The following PHACTR3 variants were observed in gnomAD, a reference collection of about 807,000 sequenced individuals.
PHACTR3 encodes the protein protein phosphatase 1, regulatory subunit 123.
In PHACTR3, 16 loss-of-function variants were observed where a neutral mutation model predicts 66.8. That is an observed-to-expected ratio of 0.24 (90% CI 0.16 to 0.36). The LOEUF is 0.36. Among genes scored for constraint, PHACTR3 ranks in the 10% least tolerant of loss-of-function variants. The probability of loss-of-function intolerance (pLI) is 1.00; values close to 1 mark genes in which losing one functional copy is unlikely to be tolerated. For missense variants in PHACTR3, 647 were observed against 719.9 expected (o/e 0.90, Z 1.16); for synonymous variants, 323 against 292.1 (o/e 1.11, Z -1.08).
In PHACTR3 at chr20:59,743,414, T is replaced by C. The variant is rs1601242154; in HGVS notation, c.280+146T>C. 3 of 1,172,406 alleles carry C rather than the reference T, an allele frequency of 2.6e-6. No homozygotes were observed. The East Asian group carries it at 7.7e-5, about 30-fold the overall frequency. 72.6% of individuals were successfully genotyped at this position (1,172,406 alleles called of 1,614,324 possible). Reference sequence around the variant, plus strand: ...CATGGCCTGTGATGGCCAGGAGCCATGCAAGTTACCCCGCTGGCCCCTCCA... The same window carrying C: ...CATGGCCTGTGATGGCCAGGAGCCACGCAAGTTACCCCGCTGGCCCCTCCA... On this transcript the variant is annotated intron_variant, in intron 2 of 12. Transcript: ENST00000371015.
At chr20:59,705,960 T>C (rs2037686127) in intron 1 of PHACTR3, among the ~76,000 whole-genome samples, 1 of 152,176 alleles carries the variant, frequency 6.6e-6, no homozygotes, top group Non-Finnish European at 1.5e-5. Context: ...GGGGGTGTGG[T>C]TGACTCAGAG....
upstream of PHACTR3, among the ~76,000 whole-genome samples, chr20:59,602,080 G>A (rs543814841): frequency 2.0e-5 from 3 of 152,280 alleles, no homozygotes; most frequent in African/African-American, 7.2e-5. Flanking sequence ...TGTCCTTATG[G>A]TAACATTAAG....
chr20:59,694,773 A>G (rs1293602607), intron 1 of PHACTR3, among the ~76,000 whole-genome samples: 1 of 152,104 alleles, frequency 6.6e-6, no homozygotes, highest in Non-Finnish European at 1.5e-5. Flanking sequence ...GTTTCAGCTG[A>G]TGAAGGCACT....
Position 59,841,475 on chromosome 20 carries a change from A to C in PHACTR3, c.1527A>C (p.Lys509Asn). The change falls in exon 11 of 13, where the codon AAA becomes AAC. Residue 509 changes from lysine to asparagine, a missense_variant. By Grantham distance (94) the Lys-to-Asn change is moderately conservative (BLOSUM62 0). Coordinates refer to ENST00000371015, the MANE Select transcript of PHACTR3 (RefSeq NM_080672.5). ...IRFSDYVEVA[K>N]AQDYDRRADK... is the part of the protein sequence containing the mutation. The stretch of plus-strand genomic sequence containing the variant: ...TCAGTGATTACGTGGAAGTAGCAAA[A>C]GCGCAGGACTATGACAGGAGGGCAG... 4 of 1,613,754 alleles carry C rather than the reference A, an allele frequency of 2.5e-6. No individual in the cohort carries two copies. Among genetic ancestry groups the C allele is most frequent in the Non-Finnish European group, 3.4e-6 (4 of 1,179,764 alleles).
intron 2 of PHACTR3, among the ~76,000 whole-genome samples, chr20:59,747,204 G>A (rs1343360425): frequency 6.6e-6 from 1 of 152,226 alleles, no homozygotes; most frequent in Non-Finnish European, 1.5e-5. Context: ...GAAGGGGACT[G>A]GGGGCTGGCC....
At chr20:59,727,145 T>G (rs916066584) in intron 1 of PHACTR3, among the ~76,000 whole-genome samples, 1 of 152,126 alleles carries the variant, frequency 6.6e-6, no homozygotes, top group Non-Finnish European at 1.5e-5. Flanking sequence ...TGAATTGGTC[T>G]GTGCTGAACA....
intron 7 of PHACTR3, among the ~76,000 whole-genome samples, chr20:59,805,540 G>C (rs1006263798): frequency 3.3e-5 from 5 of 152,172 alleles, no homozygotes; most frequent in African/African-American, 1.2e-4. Context: ...TGGCAAGGCT[G>C]TGCGGTAGGC....
chr20:59,665,389 G>T (rs1448054846), intron 1 of PHACTR3, among the ~76,000 whole-genome samples: 2 of 152,200 alleles, frequency 1.3e-5, no homozygotes, highest in African/African-American at 4.8e-5. Context: ...AAAGGTGTTT[G>T]ATTTCACTGC....
At chr20:59,633,921 G>C (rs1401904001) in intron 1 of PHACTR3, among the ~76,000 whole-genome samples, 1 of 152,108 alleles carries the variant, frequency 6.6e-6, no homozygotes, top group Non-Finnish European at 1.5e-5. Flanking sequence ...TTAACTAATA[G>C]GTTCCTAACT....
chr20:59,806,398 T>G (rs1270739997), intron 8 of PHACTR3, among the ~76,000 whole-genome samples: 1 of 152,218 alleles, frequency 6.6e-6, no homozygotes, highest in African/African-American at 2.4e-5. Flanking sequence ...CTCAGATGTT[T>G]AGCGGCATTC....
chr20:59,659,403 T>C (rs1353527882), intron 1 of PHACTR3, among the ~76,000 whole-genome samples: 1 of 142,006 alleles, frequency 7.0e-6, no homozygotes, highest in Non-Finnish European at 1.5e-5. Flanking sequence ...TGAGACAGTC[T>C]CGCTCTGTCA....
At chr20:59,590,267 C>T (rs532409422) in intron 1 of PHACTR3, among the ~76,000 whole-genome samples, 16 of 152,280 alleles carry the variant, frequency 1.1e-4, no homozygotes, top group Admixed American at 2.6e-4. Flanking sequence ...GTGGATATAC[C>T]GTAGGGCAGC....
intron 7 of PHACTR3, among the ~76,000 whole-genome samples, chr20:59,781,746 G>T (rs557432527): frequency 6.6e-6 from 1 of 152,270 alleles, no homozygotes; most frequent in South Asian, 2.1e-4. Context: ...GAGTGACTAT[G>T]TACATATTAA....
At chr20:59,621,553 C>T (rs1458913120) in intron 1 of PHACTR3, among the ~76,000 whole-genome samples, 1 of 152,254 alleles carries the variant, frequency 6.6e-6, no homozygotes, top group African/African-American at 2.4e-5. Context: ...TGCCTCCTTC[C>T]TGTCTTTCTT....
chr20:59,652,902 G>T (rs2035501525), intron 1 of PHACTR3, among the ~76,000 whole-genome samples: 1 of 152,056 alleles, frequency 6.6e-6, no homozygotes, highest in Non-Finnish European at 1.5e-5. Flanking sequence ...GTGTTCACGT[G>T]TGCATTTTCA....
At chr20:59,614,263 C>T (rs532577677) in intron 1 of PHACTR3, among the ~76,000 whole-genome samples, 25 of 152,196 alleles carry the variant, frequency 1.6e-4, no homozygotes, top group Non-Finnish European at 3.4e-4. Flanking sequence ...AGCTGACAGA[C>T]GTATACATAC....
upstream of PHACTR3, chr20:59,603,937 G>A (rs1184414541): frequency 6.6e-6 from 1 of 152,300 alleles, no homozygotes; most frequent in Non-Finnish European, 1.5e-5. Context: ...CACCCTGGAG[G>A]ACACCTCTGT....
At chr20:59,790,178 A>T (rs1645154225) in intron 7 of PHACTR3, among the ~76,000 whole-genome samples, 1 of 152,128 alleles carries the variant, frequency 6.6e-6, no homozygotes, top group African/African-American at 2.4e-5. Flanking sequence ...TATATAGATA[A>T]ACTTGTGTCA....
At chr20:59,704,293 G>A (rs2146621539) in intron 1 of PHACTR3, among the ~76,000 whole-genome samples, 1 of 152,194 alleles carries the variant, frequency 6.6e-6, no homozygotes, top group Non-Finnish European at 1.5e-5. Context: ...ATTTTGCTAT[G>A]GTATGTTTTC....
Sources: gnomAD v4.1 joint callset for allele counts (sites outside exome capture counted in the v4.1 genomes callset) on GRCh38, gnomAD v4.1.1 for gene constraint, MANE v1.5 for transcripts, NCBI Gene and HGNC (gene_info 2026-07-23, HGNC 2026-07-21) for gene names.